The following LPP variants were observed in gnomAD, a reference collection of about 807,000 sequenced individuals.
LPP encodes lipoma-preferred partner.
LPP carries 38 observed loss-of-function variants against 60.4 expected under a neutral mutation model. The observed-to-expected ratio is 0.63, with a 90% confidence interval of 0.49 to 0.83. The LOEUF (loss-of-function observed/expected upper bound fraction) is 0.83. Ranked by LOEUF, LPP falls within the 40% of genes least tolerant of loss-of-function variation. The probability of loss-of-function intolerance (pLI) is 0.00; values close to 1 mark genes in which losing one functional copy is unlikely to be tolerated. For synonymous variants in LPP, 328 were observed against 290.8 expected (o/e 1.13, Z -1.30); for missense variants, 902 against 783.6 (o/e 1.15, Z -1.80).
chr3:188,453,736 C>T (rs779370048), intron 4 of LPP, among the ~76,000 whole-genome samples: 43 of 151,996 alleles, frequency 2.8e-4, no homozygotes, highest in Admixed American at 4.6e-4. Context: ...TTAAGTCTCC[C>T]CTGATTCTTT....
At chr3:188,867,286 TG>T (rs1766900725) in intron 10 of LPP, among the ~76,000 whole-genome samples, 1 of 148,032 alleles carries the variant, frequency 6.8e-6, no homozygotes, top group Non-Finnish European at 1.5e-5. Context: ...CATAATAATA[TG>T]TAAATATATT....
chr3:188,225,959 CT>C (rs1717582860), intron 2 of LPP, among the ~76,000 whole-genome samples: 1 of 152,200 alleles, frequency 6.6e-6, no homozygotes, highest in Admixed American at 6.5e-5. Context: ...TTGAGTGTCT[CT>C]TGTTTGCCCT....
At chr3:188,808,331 T>C (rs1224030698) in intron 9 of LPP, among the ~76,000 whole-genome samples, 4 of 152,162 alleles carry the variant, frequency 2.6e-5, no homozygotes, top group African/African-American at 4.8e-5. Context: ...TTTTACTTGA[T>C]GCTTTTGAGG....
chr3:188,670,131 A>C (rs1856675859), intron 7 of LPP, among the ~76,000 whole-genome samples: 2 of 152,208 alleles, frequency 1.3e-5, no homozygotes, highest in South Asian at 4.1e-4. Flanking sequence ...GAGGGATAGC[A>C]TTAGGAGAAA....
rs55671338 is a variant in LPP at position 188,654,445 on chromosome 3, G to T, written c.1113+44601G>T. ...AAATGGTGCATCATACGAATTTAGC[G>T]ACATTTCACTTCAAGATTCTTACAC... On this transcript the variant is annotated intron_variant, in intron 7 of 11. Transcript: ENST00000617246. Among the ~76,000 whole-genome samples, 16 of 152,234 alleles carry T rather than the reference G, an allele frequency of 1.1e-4. No individual in the cohort carries two copies. The South Asian group carries it at 3.3e-3, about 32-fold the overall frequency.
At chr3:188,522,926 G>C (rs1361952182) in intron 5 of LPP, among the ~76,000 whole-genome samples, 1 of 151,206 alleles carries the variant, frequency 6.6e-6, no homozygotes, top group Non-Finnish European at 1.5e-5. Context: ...ATGTATGTTT[G>C]AGACAGAGTC....
intron 7 of LPP, among the ~76,000 whole-genome samples, chr3:188,667,605 G>T (rs879844944): frequency 4.6e-5 from 7 of 150,886 alleles, no homozygotes; most frequent in African/African-American, 7.3e-5. Flanking sequence ...GCTTAGAAAT[G>T]CTATGAAGCC....
In LPP at chr3:188,545,161, A is replaced by G. The variant is rs1417013732; in HGVS notation, c.429+20374A>G. ...GGAGATATACCTAATGCTAGATGAC[A>G]CGTTAGTGGGTGCAGCGTACCAGCA... On this transcript the variant is annotated intron_variant, in intron 6 of 11. Coordinates refer to ENST00000617246, the MANE Select transcript of LPP (RefSeq NM_001375462.1). 3.2e-5 allele frequency among the ~76,000 whole-genome samples: 4 copies of G among 123,544 alleles called. No individual in the cohort carries two copies. The South Asian group carries it at 9.6e-4, about 30-fold the overall frequency. The allele number at this position is 123,544 out of a possible 152,430, so 81.0% of individuals were successfully genotyped here.
chr3:188,329,974 A>G (rs1560256609), intron 2 of LPP, among the ~76,000 whole-genome samples: 2 of 152,192 alleles, frequency 1.3e-5, no homozygotes, highest in Non-Finnish European at 2.9e-5. Flanking sequence ...TTACTAGGCA[A>G]ACTGTGCCCT....
At chr3:188,320,192 G>T (rs1045501373) in intron 2 of LPP, among the ~76,000 whole-genome samples, 1 of 152,146 alleles carries the variant, frequency 6.6e-6, no homozygotes, top group African/African-American at 2.4e-5. Flanking sequence ...TTTAATAGAA[G>T]ACCAGTTGTC....
At chr3:188,812,254 A>G (rs1401284534) in intron 9 of LPP, among the ~76,000 whole-genome samples, 1 of 152,210 alleles carries the variant, frequency 6.6e-6, no homozygotes, top group Non-Finnish European at 1.5e-5. Flanking sequence ...TGTTTCAACT[A>G]CAAAATTCCT....
chr3:188,827,451 C>A (rs1415480504), intron 9 of LPP, among the ~76,000 whole-genome samples: 1 of 152,154 alleles, frequency 6.6e-6, no homozygotes, highest in Non-Finnish European at 1.5e-5. Flanking sequence ...CTATTTCCAT[C>A]ATATGGTGAT....
chr3:188,535,766 A>T lies in LPP; in HGVS notation c.429+10979A>T, dbSNP rs370319447. ...TGAGGTATAATTCAATATTATATCA[A>T]TTCTGTTACTGTTGAGATAACATAA... On this transcript the variant is annotated intron_variant, in intron 6 of 11. Transcript: ENST00000617246. Among the ~76,000 whole-genome samples the T allele has an allele frequency of 2.1e-4, 32 of 152,292 alleles. No homozygotes were observed. The South Asian group carries it at 6.6e-3, about 32-fold the overall frequency.
At chr3:188,790,900 G>A (rs960597497) in intron 9 of LPP, among the ~76,000 whole-genome samples, 2 of 149,120 alleles carry the variant, frequency 1.3e-5, no homozygotes, top group Non-Finnish European at 3.0e-5. Flanking sequence ...TCACTGCTTT[G>A]CCCAACTTAA....
chr3:188,233,635 T>A (rs1347790354), intron 2 of LPP, among the ~76,000 whole-genome samples: 1 of 152,110 alleles, frequency 6.6e-6, no homozygotes, highest in Non-Finnish European at 1.5e-5. Flanking sequence ...ACAAAATAGG[T>A]TTTTACATAA....
chr3:188,214,976 A>G (rs1355224214), intron 1 of LPP, among the ~76,000 whole-genome samples: 1 of 152,108 alleles, frequency 6.6e-6, no homozygotes, highest in Non-Finnish European at 1.5e-5. Flanking sequence ...TTTTGGTGTA[A>G]TACATATAAA....
intron 5 of LPP, 106 bp from the exon 6 acceptor site, chr3:188,524,559 G>T: frequency 8.8e-7 from 1 of 1,131,222 alleles, no homozygotes; most frequent in Non-Finnish European, 1.2e-6. Flanking sequence ...AAAAAAAGAG[G>T]TGCAGAAAAA....
chr3:188,295,739 G>A (rs192127338), intron 2 of LPP, among the ~76,000 whole-genome samples: 5 of 152,178 alleles, frequency 3.3e-5, no homozygotes, highest in African/African-American at 9.6e-5. Context: ...TTGCTATGTC[G>A]CCCAGCTTGG....
At chr3:188,447,442 T>C (rs1208283104) in intron 4 of LPP, among the ~76,000 whole-genome samples, 2 of 151,918 alleles carry the variant, frequency 1.3e-5, no homozygotes, top group Non-Finnish European at 2.9e-5. Context: ...AAACCCCGTC[T>C]CTACTAAAAA....
Sources: gnomAD v4.1 joint callset for allele counts (sites outside exome capture counted in the v4.1 genomes callset) on GRCh38, gnomAD v4.1.1 for gene constraint, MANE v1.5 for transcripts, NCBI Gene and HGNC (gene_info 2026-07-23, HGNC 2026-07-21) for gene names.